MYO16: variants seen among roughly 807,000 people sequenced by gnomAD.
MYO16 encodes the protein unconventional myosin-XVI.
MYO16 carries 94 observed loss-of-function variants against 205.3 expected under a neutral mutation model. That is an observed-to-expected ratio of 0.46 (90% CI 0.39 to 0.54). The LOEUF is 0.54. MYO16 is among the 20% of genes least tolerant of loss of function. The pLI, the probability that MYO16 is intolerant of heterozygous loss-of-function variation, is 0.00. For missense variants in MYO16, 2,315 were observed against 2,387.5 expected, an observed-to-expected ratio of 0.97 and a Z score of 0.63; for synonymous variants, 988 against 954.0, an observed-to-expected ratio of 1.04 and a Z score of -0.66.
chr13:108,712,537 G>A (rs1594231951), intron 2 of MYO16, 124 bp from the exon 3 acceptor site: 1 of 807,006 alleles, frequency 1.2e-6, no homozygotes, highest in South Asian at 1.4e-5. Flanking sequence ...AGATGGCACA[G>A]AAGCCGTAGT....
chr13:108,826,851 G>A (rs1876297579), intron 9 of MYO16, among the ~76,000 whole-genome samples: 1 of 152,020 alleles, frequency 6.6e-6, no homozygotes, highest in Non-Finnish European at 1.5e-5. Context: ...TCCTAGAATG[G>A]CCATTAATAA....
chr13:109,096,051 C>G (rs1311559284), intron 27 of MYO16, among the ~76,000 whole-genome samples: 1 of 152,192 alleles, frequency 6.6e-6, no homozygotes, highest in Non-Finnish European at 1.5e-5. Flanking sequence ...GGTTCAATTC[C>G]AGCTCAGCCA....
chr13:109,105,241 C>T (rs566898461), intron 28 of MYO16, among the ~76,000 whole-genome samples: 7 of 152,332 alleles, frequency 4.6e-5, no homozygotes, highest in African/African-American at 1.2e-4. Flanking sequence ...GAGGCTGAGG[C>T]GAGTGTATCA....
chr13:108,579,600 C>A, the MYO16 span, among the ~76,000 whole-genome samples: 1 of 152,086 alleles, frequency 6.6e-6, no homozygotes, highest in East Asian at 1.9e-4. Context: ...TCCATCACAT[C>A]CGGCTAATTT....
chr13:108,824,691 G>T (rs1876161652), intron 9 of MYO16, among the ~76,000 whole-genome samples: 1 of 151,966 alleles, frequency 6.6e-6, no homozygotes. Flanking sequence ...ATTGAACATG[G>T]AACATTCTTT....
chr13:108,948,682 G>A (rs1253697932), intron 16 of MYO16, among the ~76,000 whole-genome samples: 4 of 152,184 alleles, frequency 2.6e-5, no homozygotes, highest in Non-Finnish European at 4.4e-5. Context: ...ATGCTGGATG[G>A]GAACATTTTT....
At chr13:109,128,233 T>G (rs1487884849) in intron 31 of MYO16, among the ~76,000 whole-genome samples, 1 of 152,260 alleles carries the variant, frequency 6.6e-6, no homozygotes, top group Non-Finnish European at 1.5e-5. Context: ...ATTCTAGGCA[T>G]GTCTGTCTCT....
chr13:109,195,812 C>T (rs1327814134), intron 34 of MYO16, among the ~76,000 whole-genome samples: 3 of 151,998 alleles, frequency 2.0e-5, no homozygotes, highest in African/African-American at 7.2e-5. Flanking sequence ...AGTTAAAAAT[C>T]GGTAGCAAAT....
chr13:109,206,980 G>A lies in MYO16; in HGVS notation c.*144G>A. On this transcript the variant is annotated 3_prime_UTR_variant, in exon 35 of 35. Transcript: ENST00000457511. ...CACAGGACACAGACACTAAATATAT[G>A]AGATCCCGTGTGTGTGTGTGTGTGT... 1.5e-6 allele frequency: 1 copy of A among 647,376 alleles called. No individual in the cohort carries two copies. Among genetic ancestry groups the A allele is most frequent in the Non-Finnish European group, 2.6e-6 (1 of 378,434 alleles). 40.1% of individuals were successfully genotyped at this position (647,376 alleles called of 1,614,324 possible). A position where few individuals can be genotyped will look rare whatever the true frequency, so the allele number is the denominator to read the frequency against.
intron 16 of MYO16, among the ~76,000 whole-genome samples, chr13:108,933,246 A>G (rs561062926): frequency 6.6e-6 from 1 of 152,306 alleles, no homozygotes; most frequent in South Asian, 2.1e-4. Flanking sequence ...ATTAACTTCA[A>G]TGAGAATAGA....
At chr13:108,541,961 G>C in the MYO16 span, among the ~76,000 whole-genome samples, 2 of 152,100 alleles carry the variant, frequency 1.3e-5, no homozygotes, top group African/African-American at 4.8e-5. Flanking sequence ...CCACTGCTGG[G>C]TATTTACTCA....
chr13:108,840,068 C>T (rs367910), intron 9 of MYO16, among the ~76,000 whole-genome samples: 89,423 of 152,050 alleles, frequency 0.59, 27,686 homozygotes, highest in Middle Eastern at 0.72. Flanking sequence ...CTCACCCAAA[C>T]TGGTAGAACC....
intron 4 of MYO16, among the ~76,000 whole-genome samples, chr13:108,778,419 G>C (rs561968246): frequency 1.3e-5 from 2 of 152,166 alleles, no homozygotes; most frequent in African/African-American, 4.8e-5. Context: ...AGGAGTTCAA[G>C]ACCAGCCTGG....
chr13:109,127,020 T>C lies in MYO16; in HGVS notation c.3783-262T>C, dbSNP rs1364080566. On this transcript the variant is annotated intron_variant, in intron 30 of 34. Coordinates refer to ENST00000457511, the MANE Select transcript of MYO16 (RefSeq NM_001198950.3). This position sits in a 1 kb window ranked among gnomAD's most constrained non-coding sequence, Gnocchi z 4.2. ...GAAGGCCCTTAAGTAGTGTTGCGTT[T>C]GTGTGAGAATGTTTAAAAAGTAATC... 3.3e-5 allele frequency among the ~76,000 whole-genome samples: 5 copies of C among 152,184 alleles called. No homozygotes were observed. The highest frequency in any genetic ancestry group is 7.3e-5 in the Non-Finnish European group (5 of 68,032).
chr13:108,798,678 C>G (rs1886865308), intron 6 of MYO16, among the ~76,000 whole-genome samples: 1 of 148,430 alleles, frequency 6.7e-6, no homozygotes, highest in African/African-American at 2.5e-5. Flanking sequence ...CACATCTGGC[C>G]CCGAGGCTTA....
At chr13:108,579,567 A>C in the MYO16 span, among the ~76,000 whole-genome samples, 1 of 151,600 alleles carries the variant, frequency 6.6e-6, no homozygotes, top group African/African-American at 2.4e-5. Flanking sequence ...CAGCCTCCTA[A>C]GTAGCTGGGA....
At chr13:109,130,966 T>G (rs1043494293) in intron 31 of MYO16, among the ~76,000 whole-genome samples, 1 of 152,190 alleles carries the variant, frequency 6.6e-6, no homozygotes, top group African/African-American at 2.4e-5. Flanking sequence ...TCACCGAAGC[T>G]TCTCTTAGAC....
At chr13:108,707,206 G>A (rs771324694) in intron 2 of MYO16, among the ~76,000 whole-genome samples, 7 of 152,096 alleles carry the variant, frequency 4.6e-5, no homozygotes, top group Non-Finnish European at 7.4e-5. Context: ...CAGGCTGGAC[G>A]GAAACAAGCT....
chr13:108,744,585 T>G (rs1293489251), intron 4 of MYO16, among the ~76,000 whole-genome samples: 1 of 152,236 alleles, frequency 6.6e-6, no homozygotes, highest in Non-Finnish European at 1.5e-5. Flanking sequence ...ACAATCTGAC[T>G]TCAGCCCACT....
Sources: allele counts gnomAD v4.1 joint callset (sites outside exome capture counted in the v4.1 genomes callset), GRCh38; gene constraint gnomAD v4.1.1; non-coding constraint Gnocchi (gnomAD v3.1); transcripts MANE v1.5; gene names NCBI Gene and HGNC (gene_info 2026-07-23, HGNC 2026-07-21).